NRP1: variants seen among roughly 807,000 people sequenced by gnomAD.
NRP1 encodes the protein neuropilin-1.
Under a neutral mutation model 106.7 loss-of-function variants are expected in NRP1, and 35 were observed. The observed-to-expected ratio is 0.33, with a 90% CI of 0.25 to 0.43. The LOEUF (loss-of-function observed/expected upper bound fraction) is 0.43. NRP1 is among the 20% of genes least tolerant of loss of function. The probability of loss-of-function intolerance (pLI) is 1.00; values close to 1 mark genes in which losing one functional copy is unlikely to be tolerated. For synonymous variants in NRP1, 437 were observed against 417.9 expected (o/e 1.05, Z -0.56); for missense variants, 1,024 against 1,170.4 (o/e 0.87, Z 1.83).
chr10:33,193,629 G>C (rs1262641422), intron 12 of NRP1, among the ~76,000 whole-genome samples: 1 of 152,138 alleles, frequency 6.6e-6, no homozygotes, highest in Non-Finnish European at 1.5e-5. Flanking sequence ...AGGGAAGTCT[G>C]GTATTAGATG....
At chr10:33,247,264 A>G (rs990103181) in intron 6 of NRP1, among the ~76,000 whole-genome samples, 1 of 152,186 alleles carries the variant, frequency 6.6e-6, no homozygotes, top group Non-Finnish European at 1.5e-5. Context: ...TTTTCAGAGG[A>G]AATATTTCCA....
chr10:33,259,423 C>G (rs550339177), intron 4 of NRP1, among the ~76,000 whole-genome samples: 7 of 152,086 alleles, frequency 4.6e-5, no homozygotes, highest in Non-Finnish European at 7.3e-5. Flanking sequence ...TTGATCTGAG[C>G]GAGAGTGGAT....
chr10:33,300,775 T>G (rs926903887), intron 2 of NRP1, among the ~76,000 whole-genome samples: 1 of 152,188 alleles, frequency 6.6e-6, no homozygotes, highest in African/African-American at 2.4e-5. Flanking sequence ...GCCCCTCCCC[T>G]GCTTTGAGTT....
intron 2 of NRP1, among the ~76,000 whole-genome samples, chr10:33,298,843 T>C (rs1289154523): frequency 6.6e-6 from 1 of 152,196 alleles, no homozygotes; most frequent in African/African-American, 2.4e-5. Flanking sequence ...ATTCTAGCTG[T>C]CATATTCCAG....
At position 33,226,182 on chromosome 10, in the gene NRP1, G is replaced by A; in HGVS notation, c.1089C>T (p.Ser363=). 2 of 1,614,184 alleles carry A rather than the reference G, an allele frequency of 1.2e-6. No homozygotes were observed. Among genetic ancestry groups the A allele is most frequent in the Non-Finnish European group, 1.7e-6 (2 of 1,180,030 alleles). Residue 363 remains serine (S), a synonymous_variant, in exon 7 of 17, where the codon AGC becomes AGT. Coordinates refer to ENST00000374867, the MANE Select transcript of NRP1 (RefSeq NM_003873.7). ...YYVKTYKIDV[S]SNGEDWITIK... The stretch of plus-strand genomic sequence containing the variant: ...TGGTGATCCAGTCTTCCCCGTTGGA[G>A]CTAACGTCGATCTTGTAAGTCTTGA...
intron 12 of NRP1, chr10:33,195,376 A>T (rs1836706869): frequency 5.3e-6 from 2 of 374,618 alleles, no homozygotes; most frequent in African/African-American, 2.1e-5. Context: ...TTGCTGGCAG[A>T]GCATTAACCA....
In NRP1 at chr10:33,256,582, C is replaced by T. The variant is rs12249967; in HGVS notation, c.659-111G>A. ...AGTAGAACCCAGAAGTGTTTTCTAA[C>T]CCAAAGCAAGGCTTCCCTAAGTTAA... On this transcript the variant is annotated intron_variant, in intron 4 of 16. Transcript: ENST00000374867. 2.5e-3 allele frequency: 2,968 copies of T among 1,205,062 alleles called. 40 individuals are homozygous for T. The African/African-American group carries it at 0.036, about 15-fold the overall frequency. The allele number at this position is 1,205,062 out of a possible 1,614,324, so 74.6% of individuals were successfully genotyped here. A position where few individuals can be genotyped will look rare whatever the true frequency, so the allele number is the denominator to read the frequency against.
chr10:33,324,659 G>A (rs1340630901), intron 2 of NRP1, among the ~76,000 whole-genome samples: 4 of 151,948 alleles, frequency 2.6e-5, no homozygotes, highest in East Asian at 1.9e-4. Context: ...TTTTTGAGAC[G>A]GAGTTTTGCT....
chr10:33,234,976 A>G (rs894334073), intron 6 of NRP1, among the ~76,000 whole-genome samples: 2 of 152,172 alleles, frequency 1.3e-5, no homozygotes, highest in African/African-American at 2.4e-5. Flanking sequence ...GAAAATGAGT[A>G]AGAAAAATGA....
chr10:33,250,207 C>G (rs1588844877), intron 6 of NRP1, among the ~76,000 whole-genome samples: 1 of 152,174 alleles, frequency 6.6e-6, no homozygotes, highest in East Asian at 1.9e-4. Flanking sequence ...TTATGCTGTA[C>G]TTGTTGGTTA....
intron 2 of NRP1, among the ~76,000 whole-genome samples, chr10:33,320,125 C>G (rs1341772938): frequency 6.6e-6 from 1 of 151,676 alleles, no homozygotes; most frequent in African/African-American, 2.4e-5. Context: ...CCAGCCTGAC[C>G]AACATGGGGA....
intron 6 of NRP1, among the ~76,000 whole-genome samples, chr10:33,238,443 C>T (rs1840750812): frequency 2.0e-5 from 3 of 152,114 alleles, no homozygotes. Flanking sequence ...TCATGGGTGG[C>T]TATTATTCAT....
chr10:33,299,695 AG>A (rs1845665288), intron 2 of NRP1, among the ~76,000 whole-genome samples: 1 of 152,160 alleles, frequency 6.6e-6, no homozygotes, highest in Admixed American at 6.5e-5. Flanking sequence ...CTGAAGCAGG[AG>A]GCTCCCTTGA....
Position 33,180,267 on chromosome 10 carries a change from T to C in NRP1, c.2581A>G (p.Ile861Val), listed in dbSNP as rs767142032. ...ACCCCCAGGGCACTCATGGCTATGA[T>C]GGTGATGAGGATGGGGTCTAAGGTC... ...LKTLDPILIT[I>V]IAMSALGVLL... The change falls in exon 17 of 17, where the codon ATC becomes GTC. Residue 861 changes from isoleucine (I) to valine (V), a missense_variant. Physicochemically the swap from Ile to Val is conservative, Grantham distance 29 (BLOSUM62 3). This residue lies in a region of NRP1 where 164 missense variants were observed against 161.4 expected (regional missense o/e 1.02). Coordinates refer to ENST00000374867, the MANE Select transcript of NRP1 (RefSeq NM_003873.7). The C allele has an allele frequency of 2.5e-6, 4 of 1,613,994 alleles. No homozygotes were observed. The highest frequency in any genetic ancestry group is 1.1e-5 in the South Asian group (1 of 91,082).
At chr10:33,323,153 AC>A (rs1847637266) in intron 2 of NRP1, among the ~76,000 whole-genome samples, 1 of 152,062 alleles carries the variant, frequency 6.6e-6, no homozygotes, top group South Asian at 2.1e-4. Context: ...AGAATGGCTT[AC>A]CTCAGGAGTT....
At chr10:33,304,963 A>G (rs892061328) in intron 2 of NRP1, among the ~76,000 whole-genome samples, 3 of 152,260 alleles carry the variant, frequency 2.0e-5, no homozygotes, top group African/African-American at 7.2e-5. Context: ...AAACAGTCCA[A>G]TCGATTCTTT....
rs1480541692 is a variant in NRP1 at position 33,334,512 on chromosome 10, T to C, written c.-130A>G. On this transcript the variant is annotated 5_prime_UTR_variant, in exon 1 of 17. Coordinates refer to ENST00000374867, the MANE Select transcript of NRP1 (RefSeq NM_003873.7). ...AGAGCTGTACAATCCTCAGCCCGTC[T>C]TGGAGAAAAGAAAGCAGCGAGGCAA... 5 of 770,106 alleles carry C rather than the reference T, an allele frequency of 6.5e-6. No individual in the cohort carries two copies. Among genetic ancestry groups the C allele is most frequent in the East Asian group, 3.1e-5 (1 of 32,248 alleles). 47.7% of individuals were successfully genotyped at this position (770,106 alleles called of 1,614,324 possible).
intron 2 of NRP1, among the ~76,000 whole-genome samples, chr10:33,273,643 C>T (rs1197549758): frequency 1.3e-5 from 2 of 152,208 alleles, no homozygotes; most frequent in Non-Finnish European, 2.9e-5. Flanking sequence ...AGCACAGCAG[C>T]CCGGCAAAGG....
At chr10:33,184,380 C>A (rs1351806746) in intron 15 of NRP1, among the ~76,000 whole-genome samples, 1 of 152,180 alleles carries the variant, frequency 6.6e-6, no homozygotes, top group Admixed American at 6.5e-5. Flanking sequence ...TCAGTTAGAA[C>A]TTGTTGAACC....
Sources: allele counts gnomAD v4.1 joint callset (sites outside exome capture counted in the v4.1 genomes callset), GRCh38; gene constraint gnomAD v4.1.1; regional missense constraint gnomAD v4.1.1; transcripts MANE v1.5; gene names NCBI Gene and HGNC (gene_info 2026-07-23, HGNC 2026-07-21).